TNNI3K: variants seen among roughly 807,000 people sequenced by gnomAD.
The protein encoded by TNNI3K is serine/threonine-protein kinase TNNI3K.
In TNNI3K, 140 loss-of-function variants were observed where a neutral mutation model predicts 114.5. That is an observed-to-expected ratio of 1.22 (90% CI 1.07 to 1.41). TNNI3K has a LOEUF of 1.41. Among genes scored for constraint, TNNI3K ranks in the 40% most tolerant of loss-of-function variants. The pLI, the probability that TNNI3K is intolerant of heterozygous loss-of-function variation, is 0.00. For synonymous variants in TNNI3K, 347 were observed against 347.5 expected (o/e 1.00, Z 0.02); for missense variants, 1,125 against 1,007.6 (o/e 1.12, Z -1.58).
intron 21 of TNNI3K, chr1:74,475,437 T>C (rs760620399): frequency 2.8e-6 from 2 of 717,218 alleles, no homozygotes; most frequent in South Asian, 1.5e-5. Context: ...CAGGAGGCTC[T>C]GAACATTCCG....
intron 23 of TNNI3K, among the ~76,000 whole-genome samples, chr1:74,516,049 A>G (rs1437911725): frequency 6.6e-6 from 1 of 152,228 alleles, no homozygotes; most frequent in Non-Finnish European, 1.5e-5. Flanking sequence ...AGGACAATCA[A>G]CTTACTGGTG....
chr1:74,445,020 T>A (rs997999444), intron 20 of TNNI3K, among the ~76,000 whole-genome samples: 1 of 152,172 alleles, frequency 6.6e-6, no homozygotes, highest in African/African-American at 2.4e-5. Context: ...TTATATCTTA[T>A]ACAAAAATTA....
intron 11 of TNNI3K, among the ~76,000 whole-genome samples, chr1:74,359,038 A>G (rs1281884507): frequency 6.6e-6 from 1 of 151,978 alleles, no homozygotes; most frequent in African/African-American, 2.4e-5. Context: ...CACTTGCCCA[A>G]TCCATGCAGT....
intron 17 of TNNI3K, among the ~76,000 whole-genome samples, chr1:74,403,838 C>T (rs74596635): frequency 6.6e-6 from 1 of 152,170 alleles, no homozygotes; most frequent in South Asian, 2.1e-4. Context: ...ATGCTAATCA[C>T]ATTACCATGG....
At chr1:74,431,063 G>C (rs1365141256) in intron 17 of TNNI3K, among the ~76,000 whole-genome samples, 2 of 152,070 alleles carry the variant, frequency 1.3e-5, no homozygotes, top group Non-Finnish European at 1.5e-5. Context: ...CTGTAAGCTA[G>C]GTATTATGTG....
intron 5 of TNNI3K, among the ~76,000 whole-genome samples, chr1:74,275,734 G>A (rs922291632): frequency 4.6e-5 from 7 of 152,144 alleles, no homozygotes; most frequent in Middle Eastern, 3.4e-3. Flanking sequence ...AAGAATAGAC[G>A]AGACTAAAGA....
At chr1:74,350,643 G>T (rs1661287202) in intron 9 of TNNI3K, among the ~76,000 whole-genome samples, 1 of 152,004 alleles carries the variant, frequency 6.6e-6, no homozygotes. Flanking sequence ...TATGAATCTG[G>T]GTGCTCCTGT....
chr1:74,254,241 A>G (rs1655138343), intron 4 of TNNI3K, among the ~76,000 whole-genome samples: 2 of 152,202 alleles, frequency 1.3e-5, no homozygotes. Context: ...CCTAAGAACA[A>G]GAAAATTCAC....
intron 5 of TNNI3K, among the ~76,000 whole-genome samples, chr1:74,277,191 T>C (rs975613488): frequency 6.6e-6 from 1 of 152,166 alleles, no homozygotes; most frequent in African/African-American, 2.4e-5. Flanking sequence ...TTTTGTGAGA[T>C]AACTACTGTC....
chr1:74,524,686 A>C (rs1646479647), intron 23 of TNNI3K, among the ~76,000 whole-genome samples: 1 of 152,184 alleles, frequency 6.6e-6, no homozygotes, highest in African/African-American at 2.4e-5. Flanking sequence ...TAAAACACAG[A>C]AAATAATCTC....
chr1:74,399,202 G>A (rs1664239651), intron 17 of TNNI3K, among the ~76,000 whole-genome samples: 2 of 140,536 alleles, frequency 1.4e-5, no homozygotes, highest in African/African-American at 5.3e-5. Context: ...AAACTAAAAT[G>A]CCTTGGACCA....
At chr1:74,528,233 G>A (rs1646532774) in intron 23 of TNNI3K, among the ~76,000 whole-genome samples, 1 of 152,184 alleles carries the variant, frequency 6.6e-6, no homozygotes, top group Non-Finnish European at 1.5e-5. Flanking sequence ...GAGCATAAGG[G>A]TGGTGAAGAA....
chr1:74,403,175 T>A (rs1664456081), intron 17 of TNNI3K, among the ~76,000 whole-genome samples: 1 of 152,210 alleles, frequency 6.6e-6, no homozygotes, highest in African/African-American at 2.4e-5. Flanking sequence ...CCCATAATTC[T>A]GGAGTCACAT....
intron 20 of TNNI3K, among the ~76,000 whole-genome samples, chr1:74,445,613 TTTTTTTC>T (rs1666611917): frequency 3.3e-5 from 4 of 119,838 alleles, no homozygotes; most frequent in African/African-American, 1.4e-4. Context: ...CTTTTTTTTC[TTTTTTTC>T]TTTTTTTTGA....
intron 21 of TNNI3K, among the ~76,000 whole-genome samples, chr1:74,473,716 G>A (rs1202814780): frequency 6.6e-6 from 1 of 152,046 alleles, no homozygotes; most frequent in Non-Finnish European, 1.5e-5. Flanking sequence ...CATTCTGGGT[G>A]ACCTTGGAGA....
chr1:74,277,573 C>T (rs1656759500), intron 5 of TNNI3K, among the ~76,000 whole-genome samples: 2 of 152,146 alleles, frequency 1.3e-5, no homozygotes, highest in African/African-American at 4.8e-5. Flanking sequence ...TATATGAGCA[C>T]ACAACACACA....
chr1:74,333,287 G>C (rs1660306383), intron 6 of TNNI3K, among the ~76,000 whole-genome samples: 1 of 152,194 alleles, frequency 6.6e-6, no homozygotes, highest in South Asian at 2.1e-4. Context: ...TTATTTCATT[G>C]ATGTGCTGCT....
intron 4 of TNNI3K, among the ~76,000 whole-genome samples, chr1:74,269,566 G>A (rs1227355031): frequency 1.3e-5 from 2 of 151,738 alleles, no homozygotes; most frequent in African/African-American, 4.8e-5. Context: ...AAGAAGAAAT[G>A]TGAGAAGTAT....
chr1:74,270,374 A>T (rs1282607548), intron 4 of TNNI3K, among the ~76,000 whole-genome samples: 1 of 151,800 alleles, frequency 6.6e-6, no homozygotes, highest in African/African-American at 2.4e-5. Flanking sequence ...GTGGGAAAAA[A>T]AAAACAAAAC....
Sources: gnomAD v4.1 joint callset for allele counts (sites outside exome capture counted in the v4.1 genomes callset) on GRCh38, gnomAD v4.1.1 for gene constraint, MANE v1.5 for transcripts, NCBI Gene and HGNC (gene_info 2026-07-23, HGNC 2026-07-21) for gene names.